The following BMPR1B variants were observed in gnomAD, a reference collection of about 807,000 sequenced individuals.
BMPR1B encodes the protein bone morphogenetic protein receptor type-1B.
In BMPR1B, 12 loss-of-function variants were observed where a neutral mutation model predicts 59.1. The observed-to-expected ratio is 0.20, with a 90% CI of 0.13 to 0.33. The LOEUF is 0.33. Among genes scored for constraint, BMPR1B ranks in the 10% least tolerant of loss-of-function variants. BMPR1B has a pLI of 1.00. For missense variants in BMPR1B, 550 were observed against 610.9 expected, an observed-to-expected ratio of 0.90 and a Z score of 1.05; for synonymous variants, 237 against 207.3, an observed-to-expected ratio of 1.14 and a Z score of -1.23.
chr4:94,837,260 A>G (rs1724860571), intron 1 of BMPR1B, among the ~76,000 whole-genome samples: 1 of 149,472 alleles, frequency 6.7e-6, no homozygotes, highest in Non-Finnish European at 1.5e-5. Flanking sequence ...TTGGTTCCAT[A>G]TGAACTTTAA....
At chr4:95,050,549 C>T (rs1022411016) in intron 3 of BMPR1B, among the ~76,000 whole-genome samples, 1 of 152,000 alleles carries the variant, frequency 6.6e-6, no homozygotes, top group Non-Finnish European at 1.5e-5. Flanking sequence ...CTGGGAGGTG[C>T]AGGATGGGGT....
chr4:94,981,697 A>T (rs1721096023), intron 2 of BMPR1B, among the ~76,000 whole-genome samples: 1 of 152,230 alleles, frequency 6.6e-6, no homozygotes, highest in Non-Finnish European at 1.5e-5. Context: ...TTTTCCACTA[A>T]ATACACTCTA....
intron 2 of BMPR1B, among the ~76,000 whole-genome samples, chr4:94,912,638 A>C (rs1437043871): frequency 6.6e-6 from 1 of 152,166 alleles, no homozygotes; most frequent in Non-Finnish European, 1.5e-5. Flanking sequence ...ACAACAGTTC[A>C]GCTCTATAGA....
At chr4:95,136,996 T>C (rs1733843917) in intron 10 of BMPR1B, among the ~76,000 whole-genome samples, 1 of 152,204 alleles carries the variant, frequency 6.6e-6, no homozygotes, top group Non-Finnish European at 1.5e-5. Flanking sequence ...CTTTTAATTG[T>C]GATGTTAGGG....
chr4:94,962,560 T>A (rs1578855392), intron 2 of BMPR1B, among the ~76,000 whole-genome samples: 1 of 152,156 alleles, frequency 6.6e-6, no homozygotes. Flanking sequence ...AGCTCCCACA[T>A]ATGAATGAGA....
Position 94,987,197 on chromosome 4 carries a change from T to G in BMPR1B, c.-112-8843T>G, listed in dbSNP as rs1041710303. Among the ~76,000 whole-genome samples the G allele has an allele frequency of 3.6e-5, 5 of 139,444 alleles. No individual in the cohort carries two copies. In the South Asian group the frequency reaches 1.1e-3, roughly 30 times the overall value. 91.5% of individuals were successfully genotyped at this position (139,444 alleles called of 152,430 possible). Reference sequence around the variant, plus strand: ...GTAATATACTATATATAATATATCATATATATGTAATATATATCATATTAT... The same window carrying G: ...GTAATATACTATATATAATATATCAGATATATGTAATATATATCATATTAT... On this transcript the variant is annotated intron_variant, in intron 2 of 12. Coordinates refer to ENST00000515059, the MANE Select transcript of BMPR1B (RefSeq NM_001203.3).
chr4:94,920,304 A>T (rs1484104863), intron 2 of BMPR1B, among the ~76,000 whole-genome samples: 1 of 152,160 alleles, frequency 6.6e-6, no homozygotes, highest in African/African-American at 2.4e-5. Flanking sequence ...TAGAATTTTT[A>T]TTCTTTTATT....
intron 9 of BMPR1B, among the ~76,000 whole-genome samples, chr4:95,130,430 T>C (rs1253327782): frequency 6.6e-6 from 1 of 152,184 alleles, no homozygotes; most frequent in Non-Finnish European, 1.5e-5. Flanking sequence ...CAATAGTTTA[T>C]ATTGAGAATT....
intron 2 of BMPR1B, among the ~76,000 whole-genome samples, chr4:94,901,197 G>A (rs1303205068): frequency 6.6e-6 from 1 of 151,900 alleles, no homozygotes; most frequent in Non-Finnish European, 1.5e-5. Flanking sequence ...ACCTATTAAT[G>A]GGGTCATGAC....
chr4:94,812,442 T>C (rs186811157), intron 1 of BMPR1B, among the ~76,000 whole-genome samples: 1 of 152,228 alleles, frequency 6.6e-6, no homozygotes, highest in Admixed American at 6.5e-5. Context: ...TCCAAAAAGG[T>C]AGACATTTTG....
At chr4:95,029,141 C>G (rs1002377910) in intron 3 of BMPR1B, among the ~76,000 whole-genome samples, 1 of 151,674 alleles carries the variant, frequency 6.6e-6, no homozygotes, top group South Asian at 2.1e-4. Flanking sequence ...TACATATGCA[C>G]AATGTGCAGG....
chr4:94,925,303 A>G (rs1278132147), intron 2 of BMPR1B, among the ~76,000 whole-genome samples: 1 of 152,112 alleles, frequency 6.6e-6, no homozygotes, highest in East Asian at 1.9e-4. Context: ...TAACTATGCA[A>G]ATTTTGAAAA....
At chr4:95,071,889 C>G (rs1050905350) in intron 3 of BMPR1B, among the ~76,000 whole-genome samples, 1 of 151,772 alleles carries the variant, frequency 6.6e-6, no homozygotes, top group African/African-American at 2.4e-5. Context: ...TTGGGGTTCT[C>G]CAGAGAAACA....
intron 1 of BMPR1B, among the ~76,000 whole-genome samples, chr4:94,837,701 C>T (rs1724880204): frequency 7.3e-6 from 1 of 136,056 alleles, no homozygotes; most frequent in Admixed American, 7.1e-5. Context: ...ATGTCATCTG[C>T]AAAGAGGGAC....
In BMPR1B at chr4:95,115,765, A is replaced by T. The variant is rs1296700954; in HGVS notation, c.327A>T (p.Thr109=). The T allele has an allele frequency of 1.2e-6, 2 of 1,612,876 alleles. No homozygotes were observed. Among genetic ancestry groups the T allele is most frequent in the Non-Finnish European group, 1.7e-6 (2 of 1,179,052 alleles). ...RNECNKDLHP[T]LPPLKNRDFV... ...AATGTAATAAAGACCTACACCCTAC[A>T]CTGCCTCCATTGAAAAACAGAGGTA... The change falls in exon 6 of 13, where the codon ACA becomes ACT. Residue 109 remains threonine, a synonymous_variant. Transcript: ENST00000515059.
In BMPR1B at chr4:94,837,605, T is replaced by G. The variant is rs1007282516; in HGVS notation, c.-182-38226T>G. On this transcript the variant is annotated intron_variant, in intron 1 of 12. Coordinates refer to ENST00000515059, the MANE Select transcript of BMPR1B (RefSeq NM_001203.3). ...AATGCTTGTGATTTTTGTACATTGA[T>G]TTTGTATCCTGAGACTTTGCTGAAG... is the stretch of plus-strand genomic sequence containing the variant. 2.8e-5 allele frequency among the ~76,000 whole-genome samples: 4 copies of G among 141,586 alleles called. 1 individual carries two copies. The highest frequency in any genetic ancestry group is 1.1e-4 in the African/African-American group (4 of 37,410). 92.9% of individuals were successfully genotyped at this position (141,586 alleles called of 152,430 possible). A position where few individuals can be genotyped will look rare whatever the true frequency, so the allele number is the denominator to read the frequency against.
intron 3 of BMPR1B, among the ~76,000 whole-genome samples, chr4:95,016,664 G>A (rs879594120): frequency 3.9e-5 from 6 of 152,214 alleles, no homozygotes; most frequent in Non-Finnish European, 7.3e-5. Flanking sequence ...AAGTATTTGC[G>A]AAGTGTTTTC....
intron 2 of BMPR1B, among the ~76,000 whole-genome samples, chr4:94,995,351 C>T (rs1213485728): frequency 6.7e-6 from 1 of 149,028 alleles, no homozygotes; most frequent in African/African-American, 2.5e-5. Flanking sequence ...CTTTCCTATA[C>T]ATTTCTGTCA....
chr4:94,913,439 G>A (rs1411294599), intron 2 of BMPR1B, among the ~76,000 whole-genome samples: 2 of 152,072 alleles, frequency 1.3e-5, no homozygotes, highest in African/African-American at 2.4e-5. Flanking sequence ...AAACTATTGC[G>A]GTAAACAGGA....
Sources: gnomAD v4.1 joint callset for allele counts (sites outside exome capture counted in the v4.1 genomes callset) on GRCh38, gnomAD v4.1.1 for gene constraint, MANE v1.5 for transcripts, NCBI Gene and HGNC (gene_info 2026-07-23, HGNC 2026-07-21) for gene names.